MYO15A: variants seen among roughly 807,000 people sequenced by gnomAD.
The protein encoded by MYO15A is myosin XVA.
In MYO15A, 308 loss-of-function variants were observed where a neutral mutation model predicts 394.6. That is an observed-to-expected ratio of 0.78 (90% confidence interval 0.71 to 0.86). The LOEUF (loss-of-function observed/expected upper bound fraction) is 0.86. Among genes scored for constraint, MYO15A ranks in the 40% least tolerant of loss-of-function variants. MYO15A has a pLI of 0.00. For synonymous variants in MYO15A, 1,957 were observed against 2,003.8 expected (o/e 0.98, Z 0.62); for missense variants, 4,606 against 4,799.1 (o/e 0.96, Z 1.19).
chr17:18,156,235 A>G lies in MYO15A; in HGVS notation c.8500A>G (p.Met2834Val). The change falls in exon 48 of 66, where the codon ATG (methionine) becomes GTG (valine). Residue 2834 changes from methionine (M) to valine (V), a missense_variant. By Grantham distance (21) the Met-to-Val change is conservative. This residue lies in a region of MYO15A where 2,776 missense variants were observed against 3,109.3 expected (regional missense o/e 0.89). Coordinates refer to ENST00000647165, the MANE Select transcript of MYO15A (RefSeq NM_016239.4). ...GTTTGTGACCATGCCCTCCCAGAACATGCTGGAGTTCAACCTGGCCAGTGA... is the reference window on the plus strand; with the variant it reads ...GTTTGTGACCATGCCCTCCCAGAACGTGCTGGAGTTCAACCTGGCCAGTGA... ...ILFVTMPSQN[M>V]LEFNLASEKV... The G allele has an allele frequency of 1.9e-6, 3 of 1,614,184 alleles. No individual in the cohort carries two copies. The highest frequency in any genetic ancestry group is 2.2e-5 in the South Asian group (2 of 91,084).
At position 18,167,501 on chromosome 17, in the gene MYO15A, C is replaced by A. The variant is rs1402803381; in HGVS notation, c.9949-89C>A. The A allele has an allele frequency of 2.5e-6, 4 of 1,584,992 alleles. No homozygotes were observed. In the African/African-American group the frequency reaches 5.4e-5, roughly 21 times the overall value. On this transcript the variant is annotated intron_variant, in intron 61 of 65. Coordinates refer to ENST00000647165, the MANE Select transcript of MYO15A (RefSeq NM_016239.4). ...CCCCAGAAGAGGATGGGGCTGCAATCATTAAACATGCATGTCCCCAGGTCC... is the reference window on the plus strand; with the variant it reads ...CCCCAGAAGAGGATGGGGCTGCAATAATTAAACATGCATGTCCCCAGGTCC...
At chr17:18,141,366 C>T (rs367969126) in intron 22 of MYO15A, among the ~76,000 whole-genome samples, 4 of 152,220 alleles carry the variant, frequency 2.6e-5, no homozygotes, top group African/African-American at 4.8e-5. Context: ...GTCTAATCAA[C>T]GCTCCGCGTT....
At position 18,162,629 on chromosome 17, in the gene MYO15A, T is replaced by C. The variant is rs914749854; in HGVS notation, c.9562T>C (p.Phe3188Leu). 6.2e-7 allele frequency: 1 copy of C among 1,613,910 alleles called. No individual in the cohort carries two copies. Among genetic ancestry groups the C allele is most frequent in the African/African-American group, 1.3e-5 (1 of 74,888 alleles). ...GCAGAACCTGCAGAAAACCTTGCGC[T>C]TCGGAGGTCGTCTGGAGCTCCCCAG... ...CEQNLQKTLR[F>L]GGRLELPSSI... The change falls in exon 58 of 66, where the codon TTC (phenylalanine) becomes CTC (leucine). Residue 3188 changes from phenylalanine to leucine, a missense_variant. Phe to Leu is a conservative substitution (Grantham distance 22). Coordinates refer to ENST00000647165, the MANE Select transcript of MYO15A (RefSeq NM_016239.4).
rs1353598902 is a variant in MYO15A at position 18,157,052 on chromosome 17, G to T, written c.8700G>T (p.Glu2900Asp). The T allele has an allele frequency of 3.7e-6, 6 of 1,614,062 alleles. No individual in the cohort carries two copies. Among genetic ancestry groups the T allele is most frequent in the Non-Finnish European group, 5.1e-6 (6 of 1,179,992 alleles). The part of the protein sequence containing the change: ...KGDIIHLQPL[E>D]PPRVGYSAGC... ...ACATCATACACCTGCAGCCCCTAGA[G>T]CCACCTCGAGTGGGTCAGTGCCACT... is the stretch of plus-strand genomic sequence containing the variant. Residue 2900 changes from glutamate (E) to aspartate (D), a missense_variant, in exon 49 of 66, where the codon GAG becomes GAT. Transcript: ENST00000647165.
At chr17:18,143,341 C>T (rs866095163) in intron 25 of MYO15A, among the ~76,000 whole-genome samples, 3 of 152,190 alleles carry the variant, frequency 2.0e-5, no homozygotes, top group Non-Finnish European at 4.4e-5. Flanking sequence ...TTTCTCCCTC[C>T]GCTTGCCTCT....
chr17:18,156,123 C>G, intron 47 of MYO15A, 72 bp from the exon 48 acceptor site: 1 of 1,610,274 alleles, frequency 6.2e-7, no homozygotes, highest in Non-Finnish European at 8.5e-7. Context: ...AGGACAGGAT[C>G]AGAAGCAGCA....
chr17:18,137,985 C>A (rs2046309389), intron 16 of MYO15A, 130 bp from the exon 17 acceptor site: 1 of 1,287,054 alleles, frequency 7.8e-7, no homozygotes, highest in Non-Finnish European at 1.1e-6. Flanking sequence ...AGGGGGTGAG[C>A]TCCCTGTTCT....
At chr17:18,140,417 G>A (rs2046356339) in intron 19 of MYO15A, 100 bp from the exon 20 acceptor site, 2 of 1,527,874 alleles carry the variant, frequency 1.3e-6, no homozygotes, top group Non-Finnish European at 1.8e-6. Flanking sequence ...TTAGTCTTCA[G>A]ATCCCCCTGG....
chr17:18,109,278 A>C (rs1371238045), intron 1 of MYO15A: 1 of 152,480 alleles, frequency 6.6e-6, no homozygotes, highest in Non-Finnish European at 1.5e-5. Flanking sequence ...GTGGGAAATG[A>C]GGCCAGAGGC....
chr17:18,156,206 T>C lies in MYO15A; in HGVS notation c.8471T>C (p.Ile2824Thr), dbSNP rs1366669947. Reference sequence around the variant, plus strand: ...GGCCCATCCTCCAGCTTTGCAGATATCCTGTTTGTGACCATGCCCTCCCAG... The same window carrying C: ...GGCCCATCCTCCAGCTTTGCAGATACCCTGTTTGTGACCATGCCCTCCCAG... The part of the protein sequence containing the change: ...RVLRAYSFAD[I>T]LFVTMPSQNM... Residue 2824 changes from isoleucine to threonine, a missense_variant, in exon 48 of 66, where the codon ATC becomes ACC. Ile to Thr is a moderately conservative substitution (Grantham distance 89, BLOSUM62 -1). Transcript: ENST00000647165. The C allele has an allele frequency of 1.2e-6, 2 of 1,613,938 alleles. No individual in the cohort carries two copies. Among genetic ancestry groups the C allele is most frequent in the East Asian group, 2.2e-5 (1 of 44,886 alleles).
chr17:18,148,576 C>G lies in MYO15A; in HGVS notation c.6764+8C>G. 1 of 1,551,304 alleles carries G rather than the reference C, an allele frequency of 6.4e-7. No individual in the cohort carries two copies. The highest frequency in any genetic ancestry group is 8.7e-7 in the Non-Finnish European group (1 of 1,146,908). On this transcript the variant is annotated splice_region_variant and intron_variant, in intron 32 of 65. Transcript: ENST00000647165. This position sits in a 1 kb window ranked among gnomAD's most constrained non-coding sequence, Gnocchi z 4.8. ...AGACATTCTGAGGCACAGGTTGGCT[C>G]CTAGGATGCCCTCCCAGCACACTCT...
Position 18,139,792 on chromosome 17 carries a change from G to A in MYO15A, c.5211+181G>A, listed in dbSNP as rs860567. 0.29 allele frequency among the ~76,000 whole-genome samples: 44,291 copies of A among 152,170 alleles called. 8,151 individuals carry two copies. The highest frequency in any genetic ancestry group is 0.41 in the Non-Finnish European group (28,126 of 67,964). ...GCCTGTTCCCACCTAGCTTGGCTCCGCCCTAAACCTAGCGCCTCATCCTGA... is the reference window on the plus strand; with the variant it reads ...GCCTGTTCCCACCTAGCTTGGCTCCACCCTAAACCTAGCGCCTCATCCTGA... On this transcript the variant is annotated intron_variant, in intron 19 of 65. Coordinates refer to ENST00000647165, the MANE Select transcript of MYO15A (RefSeq NM_016239.4).
At position 18,122,522 on chromosome 17, in the gene MYO15A, C is replaced by T; in HGVS notation, c.3609+113C>T. The stretch of plus-strand genomic sequence containing the variant: ...CTTGGAGAGAGGCTGCTTGCTGGGG[C>T]CTCAGTCTCTGGGTCTGTAAGTTGG... On this transcript the variant is annotated intron_variant, in intron 2 of 65. Coordinates refer to ENST00000647165, the MANE Select transcript of MYO15A (RefSeq NM_016239.4). 4 of 1,447,876 alleles carry T rather than the reference C, an allele frequency of 2.8e-6. No homozygotes were observed. In the South Asian group the frequency reaches 5.7e-5, roughly 20 times the overall value. The allele number at this position is 1,447,876 out of a possible 1,614,324, so 89.7% of individuals were successfully genotyped here. A position where few individuals can be genotyped will look rare whatever the true frequency, so the allele number is the denominator to read the frequency against.
At chr17:18,128,847 C>A (rs983628196) in intron 7 of MYO15A, among the ~76,000 whole-genome samples, 1 of 151,794 alleles carries the variant, frequency 6.6e-6, no homozygotes, top group East Asian at 2.0e-4. Flanking sequence ...TCAGGGAGGA[C>A]GGATGGAGCT....
Position 18,148,851 on chromosome 17 carries a change from C to T in MYO15A, c.6855C>T (p.Asp2285=). ...AELAGHDYVL[D]LVSDLELLRD... ...TGGCTGGCCACGACTACGTGTTAGACCTGGTGTCGGACCTGGAGCTGCTCA... is the reference window on the plus strand; with the variant it reads ...TGGCTGGCCACGACTACGTGTTAGATCTGGTGTCGGACCTGGAGCTGCTCA... The change falls in exon 33 of 66, where the codon GAC becomes GAT. Residue 2285 remains aspartate (D), a synonymous_variant. Coordinates refer to ENST00000647165, the MANE Select transcript of MYO15A (RefSeq NM_016239.4). The surrounding 1 kb of genome is among the most constrained non-coding windows in gnomAD (Gnocchi z 4.8). 6.2e-7 allele frequency: 1 copy of T among 1,607,838 alleles called. No individual in the cohort carries two copies. Among genetic ancestry groups the T allele is most frequent in the Non-Finnish European group, 8.5e-7 (1 of 1,177,156 alleles).
chr17:18,133,063 T>C (rs2046196386), intron 11 of MYO15A, among the ~76,000 whole-genome samples, 162 bp from the exon 12 acceptor site: 1 of 152,166 alleles, frequency 6.6e-6, no homozygotes, highest in Non-Finnish European at 1.5e-5. Context: ...ATCTATGAAC[T>C]CCGTCCTCAG....
At chr17:18,138,784 AC>A in intron 17 of MYO15A, 26 bp from the exon 18 acceptor site, 1 of 1,612,734 alleles carries the variant, frequency 6.2e-7, no homozygotes, top group Admixed American at 1.7e-5. Context: ...CCTCCTGCCC[AC>A]CCACTGATCC....
chr17:18,175,704 C>T (rs1213804143), intron 65 of MYO15A, among the ~76,000 whole-genome samples: 1 of 152,170 alleles, frequency 6.6e-6, no homozygotes, highest in Non-Finnish European at 1.5e-5. Context: ...CATACTTCTA[C>T]CTCCTGCCCA....
rs2047056248 is a variant in MYO15A at position 18,179,195 on chromosome 17, G to C, written c.*325G>C. ...GACCCTGCCCCTAACTCCTGCCTAT[G>C]ACACAGAAGCCCCACACCAGTTGCC... On this transcript the variant is annotated 3_prime_UTR_variant, in exon 66 of 66. Coordinates refer to ENST00000647165, the MANE Select transcript of MYO15A (RefSeq NM_016239.4). The C allele has an allele frequency of 2.2e-6, 1 of 447,346 alleles. No homozygotes were observed. The highest frequency in any genetic ancestry group is 2.1e-5 in the South Asian group (1 of 46,896). The allele number at this position is 447,346 out of a possible 1,614,324, so 27.7% of individuals were successfully genotyped here.
Sources: gnomAD v4.1 joint callset for allele counts (sites outside exome capture counted in the v4.1 genomes callset) on GRCh38, gnomAD v4.1.1 for gene constraint, gnomAD v4.1.1 regional missense constraint, Gnocchi (gnomAD v3.1) non-coding constraint, MANE v1.5 for transcripts, NCBI Gene and HGNC (gene_info 2026-07-23, HGNC 2026-07-21) for gene names.